The following MEGF8 variants were observed in gnomAD, a reference collection of about 807,000 sequenced individuals.
MEGF8 encodes the protein multiple EGF like domains 8.
A neutral mutation model predicts 302.9 loss-of-function variants in MEGF8; 156 were observed. The observed-to-expected ratio is 0.52, with a 90% CI of 0.45 to 0.59. MEGF8 has a LOEUF of 0.59. MEGF8 is among the 20% of genes least tolerant of loss of function. The pLI, the probability that MEGF8 is intolerant of heterozygous loss-of-function variation, is 0.00. For synonymous variants in MEGF8, 1,621 were observed against 1,660.5 expected (o/e 0.98, Z 0.58); for missense variants, 3,345 against 3,964.5 (o/e 0.84, Z 4.20).
Position 42,336,252 on chromosome 19 carries a change from G to A in MEGF8, c.1150G>A (p.Gly384Arg), listed in dbSNP as rs772302830. The change falls in exon 6 of 42, where the codon GGA (glycine) becomes AGA (arginine). Residue 384 changes from glycine (G) to arginine (R), a missense_variant. Gly to Arg is a moderately radical substitution (Grantham distance 125). Coordinates refer to ENST00000251268, the MANE Select transcript of MEGF8 (RefSeq NM_001271938.2). This position sits in a 1 kb window ranked among gnomAD's most constrained non-coding sequence, Gnocchi z 4.8. ...GYWEQVIPAGGRPPAATGHSM... is the reference protein window; with the variant it reads ...GYWEQVIPAGRRPPAATGHSM... ...TTGGGAGCAGGTGATTCCGGCAGGC[G>A]GACGGCCCCCTGCTGCCACTGGCCA... 4.4e-6 allele frequency: 7 copies of A among 1,607,334 alleles called. No individual in the cohort carries two copies. The East Asian group carries it at 8.9e-5, about 20-fold the overall frequency.
rs909268331 is a variant in MEGF8 at position 42,358,538 on chromosome 19, G to C, written c.5175+231G>C. Among the ~76,000 whole-genome samples, 6 of 152,174 alleles carry C rather than the reference G, an allele frequency of 3.9e-5. No homozygotes were observed. The highest frequency in any genetic ancestry group is 1.4e-4 in the African/African-American group (6 of 41,428). ...TCTGCCCAGCTCTCCCCTGAGTCTTGGTGCGGCCCTGGCAGGCCCCTTCCC... is the reference window on the plus strand; with the variant it reads ...TCTGCCCAGCTCTCCCCTGAGTCTTCGTGCGGCCCTGGCAGGCCCCTTCCC... On this transcript the variant is annotated intron_variant, in intron 29 of 41. Coordinates refer to ENST00000251268, the MANE Select transcript of MEGF8 (RefSeq NM_001271938.2). The surrounding 1 kb of genome is among the most constrained non-coding windows in gnomAD (Gnocchi z 4.4).
At chr19:42,346,479 T>C (rs571328263) in intron 12 of MEGF8, among the ~76,000 whole-genome samples, 6 of 151,516 alleles carry the variant, frequency 4.0e-5, no homozygotes, top group East Asian at 3.9e-4. Flanking sequence ...GAGTTTGAGA[T>C]CAGCCTGGCC....
intron 41 of MEGF8, among the ~76,000 whole-genome samples, chr19:42,374,420 G>A (rs1209065377): frequency 3.5e-5 from 5 of 143,842 alleles, no homozygotes; most frequent in African/African-American, 5.2e-5. Flanking sequence ...GCAGTGAGCC[G>A]ATATCACACC....
At position 42,344,518 on chromosome 19, in the gene MEGF8, A is replaced by G; in HGVS notation, c.1866A>G (p.Thr622=). 6.3e-7 allele frequency: 1 copy of G among 1,599,676 alleles called. No individual in the cohort carries two copies. The highest frequency in any genetic ancestry group is 8.5e-7 in the Non-Finnish European group (1 of 1,179,318). ...CCTGCCTGGCCTTCAGCAGCCCCACAGCCCCTCCACGGGGACCTGGCACCC... is the reference window on the plus strand; with the variant it reads ...CCTGCCTGGCCTTCAGCAGCCCCACGGCCCCTCCACGGGGACCTGGCACCC... ...CQACLAFSSP[T]APPRGPGTLG... The change falls in exon 11 of 42, where the codon ACA becomes ACG. Residue 622 remains threonine (T), a synonymous_variant. Transcript: ENST00000251268. This position sits in a 1 kb window ranked among gnomAD's most constrained non-coding sequence, Gnocchi z 4.5.
Position 42,359,089 on chromosome 19 carries a change from C to CGA in MEGF8, c.5344-9_5344-8insGA. On this transcript the variant is annotated splice_polypyrimidine_tract_variant and intron_variant, in intron 30 of 41. Coordinates refer to ENST00000251268, the MANE Select transcript of MEGF8 (RefSeq NM_001271938.2). ...TGTCCTGTCCCCCCACCCCCCGTCT[C>CGA]CCCAACAGCCCCGCCCCCGGCTTTT... 6.9e-7 allele frequency: 1 copy of CGA among 1,439,332 alleles called. No homozygotes were observed. The highest frequency in any genetic ancestry group is 9.3e-7 in the Non-Finnish European group (1 of 1,070,960). The allele number at this position is 1,439,332 out of a possible 1,614,324, so 89.2% of individuals were successfully genotyped here.
chr19:42,358,385 G>T lies in MEGF8; in HGVS notation c.5175+78G>T, dbSNP rs545940423. On this transcript the variant is annotated intron_variant, in intron 29 of 41. Coordinates refer to ENST00000251268, the MANE Select transcript of MEGF8 (RefSeq NM_001271938.2). The surrounding 1 kb of genome is among the most constrained non-coding windows in gnomAD (Gnocchi z 4.4). ...CTCTTTCCCAGTGCCCCAGGGACTGGCTCCATCCCAGATTCCTGCTTCCCC... is the reference window on the plus strand; with the variant it reads ...CTCTTTCCCAGTGCCCCAGGGACTGTCTCCATCCCAGATTCCTGCTTCCCC... 35 of 1,480,452 alleles carry T rather than the reference G, an allele frequency of 2.4e-5. No homozygotes were observed. Among genetic ancestry groups the T allele is most frequent in the Non-Finnish European group, 3.1e-5 (35 of 1,112,554 alleles). 91.7% of individuals were successfully genotyped at this position (1,480,452 alleles called of 1,614,324 possible).
intron 31 of MEGF8, among the ~76,000 whole-genome samples, 171 bp from the exon 32 acceptor site, chr19:42,360,604 C>G (rs2039517993): frequency 6.6e-6 from 1 of 152,198 alleles, no homozygotes; most frequent in Non-Finnish European, 1.5e-5. Flanking sequence ...CTCAGCCTCC[C>G]AAAGTGTTGG....
chr19:42,355,805 T>A lies in MEGF8; in HGVS notation c.4192T>A (p.Phe1398Ile). The change falls in exon 24 of 42, where the codon TTC becomes ATC. Residue 1398 changes from phenylalanine (F) to isoleucine (I), a missense_variant. Transcript: ENST00000251268. ...WEANGSSSWG[F>I]NASVGSARCG... Reference sequence around the variant, plus strand: ...GGCCAATGGCTCCTCATCCTGGGGCTTCAATGCTTCGGTGGGCTCTGCCCG... The same window carrying A: ...GGCCAATGGCTCCTCATCCTGGGGCATCAATGCTTCGGTGGGCTCTGCCCG... 6.3e-7 allele frequency: 1 copy of A among 1,578,526 alleles called. No individual in the cohort carries two copies. The highest frequency in any genetic ancestry group is 8.6e-7 in the Non-Finnish European group (1 of 1,161,674).
chr19:42,369,010 C>T lies in MEGF8; in HGVS notation c.6641+8C>T, dbSNP rs199667032. ...CGGCTATACCATGGACAAGTGAGGC[C>T]GCAGGCGGCGCTGGGGCCAGGCAGG... On this transcript the variant is annotated splice_region_variant and intron_variant, in intron 37 of 41. Coordinates refer to ENST00000251268, the MANE Select transcript of MEGF8 (RefSeq NM_001271938.2). The surrounding 1 kb of genome is among the most constrained non-coding windows in gnomAD (Gnocchi z 5.7). 3.7e-5 allele frequency: 60 copies of T among 1,612,520 alleles called. No homozygotes were observed. Among genetic ancestry groups the T allele is most frequent in the Middle Eastern group, 1.7e-4 (1 of 6,058 alleles).
chr19:42,327,681 G>C (rs1405128556), intron 1 of MEGF8, among the ~76,000 whole-genome samples: 3 of 152,252 alleles, frequency 2.0e-5, no homozygotes, highest in Non-Finnish European at 2.9e-5. Context: ...CTGGGGTATA[G>C]CTGAGATCAG....
In MEGF8 at chr19:42,336,042, G is replaced by A; in HGVS notation, c.940G>A (p.Gly314Ser). 3 of 1,576,058 alleles carry A rather than the reference G, an allele frequency of 1.9e-6. No individual in the cohort carries two copies. The highest frequency in any genetic ancestry group is 1.7e-6 in the Non-Finnish European group (2 of 1,164,830). ...CGACGTGTGGGCCTTCAGTCCACTG[G>A]GCAGGGGCCACTGGGAGCTCCTGGC... is the stretch of plus-strand genomic sequence containing the variant. Reference protein sequence around the residue: ...TNDVWAFSPLGRGHWELLAPP... With the variant: ...TNDVWAFSPLSRGHWELLAPP... The change falls in exon 6 of 42, where the codon GGC becomes AGC. Residue 314 changes from glycine (G) to serine (S), a missense_variant. Gly to Ser is a moderately conservative substitution (Grantham distance 56, BLOSUM62 0). Transcript: ENST00000251268. This position sits in a 1 kb window ranked among gnomAD's most constrained non-coding sequence, Gnocchi z 4.8.
intron 41 of MEGF8, among the ~76,000 whole-genome samples, chr19:42,374,083 G>A (rs1049082057): frequency 2.0e-5 from 3 of 152,128 alleles, no homozygotes; most frequent in Non-Finnish European, 4.4e-5. Flanking sequence ...GCTGGATGCT[G>A]TGCTGTGTAG....
chr19:42,352,857 G>A lies in MEGF8; in HGVS notation c.3351-71G>A. 8.8e-7 allele frequency: 1 copy of A among 1,130,314 alleles called. No homozygotes were observed. The allele number at this position is 1,130,314 out of a possible 1,614,324, so 70.0% of individuals were successfully genotyped here. ...TGGCTTTGATGGTGTCATGGTGGGT[G>A]GAGATGATGGGGTGCTTTAGGGGCT... On this transcript the variant is annotated intron_variant, in intron 19 of 41. Coordinates refer to ENST00000251268, the MANE Select transcript of MEGF8 (RefSeq NM_001271938.2). This position sits in a 1 kb window ranked among gnomAD's most constrained non-coding sequence, Gnocchi z 4.4.
chr19:42,378,556 C>G lies in MEGF8; in HGVS notation c.*1781C>G, dbSNP rs569208491. ...CTCTACCCCTTGAGGACCTCCCTCC[C>G]TTCTACCCTAGCTGTCTTCTTGAAC... On this transcript the variant is annotated 3_prime_UTR_variant, in exon 42 of 42. Transcript: ENST00000251268. The G allele has an allele frequency of 3.2e-5, 5 of 153,940 alleles. No homozygotes were observed. Among genetic ancestry groups the G allele is most frequent in the African/African-American group, 1.2e-4 (5 of 41,574 alleles). The allele number at this position is 153,940 out of a possible 1,614,324, so 9.5% of individuals were successfully genotyped here. A position where few individuals can be genotyped will look rare whatever the true frequency, so the allele number is the denominator to read the frequency against.
At chr19:42,340,556 G>C (rs2039197603) in intron 8 of MEGF8, among the ~76,000 whole-genome samples, 1 of 151,898 alleles carries the variant, frequency 6.6e-6, no homozygotes, top group African/African-American at 2.4e-5. Flanking sequence ...TAGTAGAGAT[G>C]GGGTTTCACT....
In MEGF8 at chr19:42,352,228, C is replaced by T. The variant is rs753429196; in HGVS notation, c.3122C>T (p.Ser1041Leu). The T allele has an allele frequency of 7.1e-6, 11 of 1,549,716 alleles. No homozygotes were observed. In the South Asian group the frequency reaches 1.1e-4, roughly 15 times the overall value. Reference protein sequence around the residue: ...TLGRCLQGDFSGPLGGGNCSL... With the variant: ...TLGRCLQGDFLGPLGGGNCSL... ...TGCAGGTGCCTACAGGGGGACTTCT[C>T]AGGGCCCCTCGGTGGGGGTAACTGC... Residue 1041 changes from serine (S) to leucine (L), a missense_variant, in exon 19 of 42, where the codon TCA (serine) becomes TTA (leucine). Transcript: ENST00000251268. The surrounding 1 kb of genome is among the most constrained non-coding windows in gnomAD (Gnocchi z 4.4).
At position 42,360,759 on chromosome 19, in the gene MEGF8, C is replaced by T. The variant is rs35875097; in HGVS notation, c.5489-16C>T. The T allele has an allele frequency of 0.01, 15,803 of 1,560,654 alleles. 125 individuals carry two copies. Among genetic ancestry groups the T allele is most frequent in the Non-Finnish European group, 0.013 (14,718 of 1,152,664 alleles). On this transcript the variant is annotated splice_polypyrimidine_tract_variant and intron_variant, in intron 31 of 41. Coordinates refer to ENST00000251268, the MANE Select transcript of MEGF8 (RefSeq NM_001271938.2). ...CTCCTGCTCTCTATCTGTCTGAATA[C>T]ACCATCTTTCCTCAGGCTCGGCCTC...
intron 12 of MEGF8, among the ~76,000 whole-genome samples, chr19:42,345,765 C>T (rs181596667): frequency 2.6e-5 from 4 of 152,284 alleles, no homozygotes; most frequent in African/African-American, 2.4e-5. Flanking sequence ...CTTGTGTACA[C>T]GTTTTTGTTT....
At chr19:42,359,338 C>T (rs1568571318) in intron 31 of MEGF8, 96 bp downstream of exon 31, 3 of 1,177,586 alleles carry the variant, frequency 2.5e-6, no homozygotes, top group Middle Eastern at 2.9e-4. Flanking sequence ...TCACTGGGCC[C>T]CTGCAGACCC....
Sources: gnomAD v4.1 joint callset for allele counts (sites outside exome capture counted in the v4.1 genomes callset) on GRCh38, gnomAD v4.1.1 for gene constraint, Gnocchi (gnomAD v3.1) non-coding constraint, MANE v1.5 for transcripts, NCBI Gene and HGNC (gene_info 2026-07-23, HGNC 2026-07-21) for gene names.